Variants in TXN2 observed in about 807,000 individuals in gnomAD.
The protein encoded by TXN2 is thioredoxin, mitochondrial.
TXN2 carries 12 observed loss-of-function variants against 14.6 expected under a neutral mutation model. That is an observed-to-expected ratio of 0.82 (90% confidence interval 0.53 to 1.33). TXN2 has a LOEUF of 1.33. Ranked by LOEUF, TXN2 falls within the 40% of genes most tolerant of loss-of-function variation. The pLI, the probability that TXN2 is intolerant of heterozygous loss-of-function variation, is 0.00. For missense variants in TXN2, 173 were observed against 207.7 expected, an observed-to-expected ratio of 0.83 and a Z score of 1.03; for synonymous variants, 89 against 81.0, an observed-to-expected ratio of 1.10 and a Z score of -0.53.
At chr22:36,468,483 G>T (rs1933205227) in intron 3 of TXN2, 1 of 307,488 alleles carries the variant, frequency 3.3e-6, no homozygotes, top group Non-Finnish European at 6.5e-6. Flanking sequence ...CAGCCTTCTG[G>T]GAGACTGAGG....
intron 3 of TXN2, among the ~76,000 whole-genome samples, chr22:36,474,489 C>T (rs904669629): frequency 3.3e-5 from 5 of 152,132 alleles, no homozygotes; most frequent in Admixed American, 1.3e-4. Context: ...GAAACCTGGA[C>T]TTGTATACTC....
At chr22:36,473,851 G>T (rs1314700154) in intron 3 of TXN2, among the ~76,000 whole-genome samples, 1 of 152,232 alleles carries the variant, frequency 6.6e-6, no homozygotes, top group African/African-American at 2.4e-5. Context: ...GCCTCCCGGG[G>T]ACGGTCCTCG....
rs750615779 is a variant in TXN2 at position 36,471,595 on chromosome 22, C to T, written c.388-3678G>A. Among the ~76,000 whole-genome samples the T allele has an allele frequency of 5.8e-4, 89 of 152,316 alleles. 1 individual carries two copies. Among genetic ancestry groups the T allele is most frequent in the Middle Eastern group, 3.4e-3 (1 of 294 alleles). On this transcript the variant is annotated intron_variant, in intron 3 of 3. Transcript: ENST00000216185. Reference sequence around the variant, plus strand: ...TGATATAAACACCTCTATACACTATCTCACACTCTCCTGGCTGTGGGCAGG... The same window carrying T: ...TGATATAAACACCTCTATACACTATTTCACACTCTCCTGGCTGTGGGCAGG...
At chr22:36,474,185 G>C (rs1933340512) in intron 3 of TXN2, among the ~76,000 whole-genome samples, 1 of 152,084 alleles carries the variant, frequency 6.6e-6, no homozygotes, top group Non-Finnish European at 1.5e-5. Context: ...CAAACTTTTT[G>C]AAAAAGTGAC....
intron 2 of TXN2, among the ~76,000 whole-genome samples, chr22:36,477,843 A>T (rs1009773784): frequency 5.9e-5 from 9 of 152,102 alleles, no homozygotes; most frequent in Non-Finnish European, 1.2e-4. Flanking sequence ...CTGTGTTGAA[A>T]GTGTTTTCTT....
intron 3 of TXN2, among the ~76,000 whole-genome samples, chr22:36,472,981 A>G (rs989842815): frequency 2.0e-5 from 3 of 151,784 alleles, no homozygotes; most frequent in Non-Finnish European, 4.4e-5. Context: ...CAGGACACCC[A>G]GCCCTGGCAT....
intron 3 of TXN2, among the ~76,000 whole-genome samples, chr22:36,475,699 A>G (rs1933372364): frequency 6.6e-6 from 1 of 152,244 alleles, no homozygotes; most frequent in Non-Finnish European, 1.5e-5. Flanking sequence ...ACTAGAATGT[A>G]GACTCCACGG....
chr22:36,480,988 G>A, intron 1 of TXN2, 151 bp from the exon 2 acceptor site: 1 of 881,860 alleles, frequency 1.1e-6, no homozygotes, highest in South Asian at 3.0e-5. Flanking sequence ...GTGGAAGTGA[G>A]GAAGCAATGA....
In TXN2 at chr22:36,481,556, G is replaced by A. The variant is rs1933503770; in HGVS notation, c.-1+8C>T. ...CACCACCTCGAGCCACCCCCACAGG[G>A]CTCCTACCTCCCTGCAATGCGAGCG... On this transcript the variant is annotated splice_region_variant and intron_variant, in intron 1 of 3. Transcript: ENST00000216185. 1 of 999,482 alleles carries A rather than the reference G, an allele frequency of 1.0e-6. No homozygotes were observed. The highest frequency in any genetic ancestry group is 4.7e-5 in the South Asian group (1 of 21,300). The allele number at this position is 999,482 out of a possible 1,614,324, so 61.9% of individuals were successfully genotyped here. A position where few individuals can be genotyped will look rare whatever the true frequency, so the allele number is the denominator to read the frequency against.
intron 3 of TXN2, chr22:36,468,565 C>A (rs930895536): frequency 5.7e-6 from 2 of 350,404 alleles, no homozygotes; most frequent in African/African-American, 2.2e-5. Flanking sequence ...GTTTACTAAA[C>A]CCCCCCAAAA....
chr22:36,468,073 G>A (rs1933197318), intron 3 of TXN2, among the ~76,000 whole-genome samples, 156 bp from the exon 4 acceptor site: 1 of 152,240 alleles, frequency 6.6e-6, no homozygotes, highest in Non-Finnish European at 1.5e-5. Flanking sequence ...TTCTCTCGGT[G>A]CAGGGGTACT....
chr22:36,481,591 A>G lies in TXN2; in HGVS notation c.-28T>C, dbSNP rs1338557829. On this transcript the variant is annotated 5_prime_UTR_variant, in exon 1 of 4. Coordinates refer to ENST00000216185, the MANE Select transcript of TXN2 (RefSeq NM_012473.4). ...CCCTGCAATGCGAGCGGAGGGATGC[A>G]CAGCCTAGCCCTCCCTGCCTGTCAA... 2 of 999,634 alleles carry G rather than the reference A, an allele frequency of 2.0e-6. No homozygotes were observed. The highest frequency in any genetic ancestry group is 1.1e-4 in the East Asian group (1 of 8,812). The allele number at this position is 999,634 out of a possible 1,614,324, so 61.9% of individuals were successfully genotyped here. A position where few individuals can be genotyped will look rare whatever the true frequency, so the allele number is the denominator to read the frequency against.
Position 36,467,379 on chromosome 22 carries a change from TTTC to T in TXN2, c.*422_*424del. ...TACTCTCACTAGTTTGGGCTTCTTT[TTTC>T]TTTTTCTTTTTACAAAACAGCAGCT... On this transcript the variant is annotated 3_prime_UTR_variant, in exon 4 of 4. Coordinates refer to ENST00000216185, the MANE Select transcript of TXN2 (RefSeq NM_012473.4). The T allele has an allele frequency of 5.4e-6, 1 of 185,090 alleles. No homozygotes were observed. The highest frequency in any genetic ancestry group is 5.4e-5 in the Admixed American group (1 of 18,350). The allele number at this position is 185,090 out of a possible 1,614,324, so 11.5% of individuals were successfully genotyped here.
At chr22:36,472,511 G>GTGGGA (rs1248973036) in intron 3 of TXN2, among the ~76,000 whole-genome samples, 3 of 152,180 alleles carry the variant, frequency 2.0e-5, no homozygotes, top group African/African-American at 7.2e-5. Context: ...TGTTGATAGT[G>GTGGGA]TGGGAGGCTG....
At position 36,469,261 on chromosome 22, in the gene TXN2, C is replaced by T. The variant is rs56288710; in HGVS notation, c.388-1344G>A. Among the ~76,000 whole-genome samples, 1,377 of 152,276 alleles carry T rather than the reference C, an allele frequency of 9.0e-3. 13 individuals carry two copies. Among genetic ancestry groups the T allele is most frequent in the East Asian group, 0.043 (221 of 5,180 alleles). On this transcript the variant is annotated intron_variant, in intron 3 of 3. Transcript: ENST00000216185. ...GCAAGTAAAGGCTCAGCACAGCGCC[C>T]GGCAAATAAGCTTAGGAACCTGGCA...
intron 3 of TXN2, among the ~76,000 whole-genome samples, chr22:36,471,339 G>A (rs1933270155): frequency 6.6e-6 from 1 of 152,116 alleles, no homozygotes; most frequent in South Asian, 2.1e-4. Flanking sequence ...CGTGTGCGCA[G>A]TCTCTTTCTG....
At chr22:36,468,729 A>G (rs1293393316) in intron 3 of TXN2, 4 of 440,004 alleles carry the variant, frequency 9.1e-6, no homozygotes, top group South Asian at 3.3e-5. Context: ...TCAAAAAAAA[A>G]GAGAAAGATT....
At chr22:36,469,466 C>A (rs1286914126) in intron 3 of TXN2, among the ~76,000 whole-genome samples, 2 of 152,166 alleles carry the variant, frequency 1.3e-5, no homozygotes, top group African/African-American at 2.4e-5. Context: ...CACAACCTGA[C>A]GCTTATTAGC....
At chr22:36,473,879 C>T (rs761742779) in intron 3 of TXN2, among the ~76,000 whole-genome samples, 29 of 152,236 alleles carry the variant, frequency 1.9e-4, no homozygotes, top group Non-Finnish European at 4.4e-5. Flanking sequence ...CGCCACCCCA[C>T]GAGACACTGG....
Sources: gnomAD v4.1 joint callset for allele counts (sites outside exome capture counted in the v4.1 genomes callset) on GRCh38, gnomAD v4.1.1 for gene constraint, MANE v1.5 for transcripts, NCBI Gene and HGNC (gene_info 2026-07-23, HGNC 2026-07-21) for gene names.